PATJ: variants seen among roughly 807,000 people sequenced by gnomAD.
PATJ encodes the protein inaD-like protein.
A neutral mutation model predicts 224.9 loss-of-function variants in PATJ; 190 were observed. That is an observed-to-expected ratio of 0.84 (90% CI 0.75 to 0.95). The LOEUF (loss-of-function observed/expected upper bound fraction) is 0.95. Ranked by LOEUF, PATJ falls within the 40% of genes least tolerant of loss-of-function variation. The pLI is 0.00. For synonymous variants in PATJ, 769 were observed against 820.3 expected (o/e 0.94, Z 1.07); for missense variants, 2,121 against 2,270.3 (o/e 0.93, Z 1.34).
At chr1:62,000,484 G>T (rs1645695396) in intron 28 of PATJ, among the ~76,000 whole-genome samples, 1 of 151,504 alleles carries the variant, frequency 6.6e-6, no homozygotes, top group African/African-American at 2.4e-5. Flanking sequence ...TACTGAGAAT[G>T]ATGAGTTCCA....
chr1:61,916,945 A>C (rs6587949), intron 26 of PATJ, among the ~76,000 whole-genome samples: 92,274 of 152,016 alleles, frequency 0.61, 28,598 homozygotes, highest in East Asian at 0.8. Context: ...CAGTCTGGGT[A>C]CGTCGGCTGA....
At chr1:61,879,086 A>T (rs930552928) in intron 21 of PATJ, among the ~76,000 whole-genome samples, 1 of 152,168 alleles carries the variant, frequency 6.6e-6, no homozygotes, top group Non-Finnish European at 1.5e-5. Flanking sequence ...ACCTGGCCAA[A>T]TTTATGGACT....
intron 33 of PATJ, among the ~76,000 whole-genome samples, chr1:62,099,668 T>C (rs537414895): frequency 7.9e-5 from 12 of 152,298 alleles, no homozygotes; most frequent in East Asian, 7.7e-4. Context: ...CATAGTTCTT[T>C]ATAATAGTAT....
In PATJ at chr1:62,120,438, G is replaced by A. The variant is rs142980026; in HGVS notation, c.4891-743G>A. Reference sequence around the variant, plus strand: ...TAAAATTTTGATGCAGAATAATTTGGTAGAAAAAAATATTCATTATTTGCA... The same window carrying A: ...TAAAATTTTGATGCAGAATAATTTGATAGAAAAAAATATTCATTATTTGCA... On this transcript the variant is annotated intron_variant, in intron 37 of 43. Transcript: ENST00000642238. 9.1e-4 allele frequency among the ~76,000 whole-genome samples: 138 copies of A among 152,228 alleles called. 2 individuals are homozygous for A. The East Asian group carries it at 0.024, about 27-fold the overall frequency.
chr1:61,767,226 T>C (rs1180079694), intron 4 of PATJ, among the ~76,000 whole-genome samples: 2 of 152,182 alleles, frequency 1.3e-5, no homozygotes, highest in Non-Finnish European at 2.9e-5. Flanking sequence ...TATGTTCACC[T>C]CGACCTTCAA....
At chr1:62,043,727 G>GGA (rs1553251834) in intron 30 of PATJ, among the ~76,000 whole-genome samples, 3 of 67,322 alleles carry the variant, frequency 4.5e-5, no homozygotes, top group African/African-American at 1.2e-4. Flanking sequence ...GTTTTGGTTT[G>GGA]GGGGGGGCAG....
At chr1:62,082,522 C>G (rs930398101) in intron 32 of PATJ, among the ~76,000 whole-genome samples, 2 of 152,172 alleles carry the variant, frequency 1.3e-5, no homozygotes, top group African/African-American at 4.8e-5. Flanking sequence ...AGAACCCCCA[C>G]AGGCTTACCT....
chr1:62,151,590 CAAAAAAATAAAT>C (rs565392919), intron 42 of PATJ, among the ~76,000 whole-genome samples: 1 of 151,826 alleles, frequency 6.6e-6, no homozygotes, highest in Non-Finnish European at 1.5e-5. Flanking sequence ...GACTCCGTCT[CAAAAAAATAAAT>C]AAATAAACCC....
At chr1:61,799,045 T>A (rs114898570) in intron 11 of PATJ, among the ~76,000 whole-genome samples, 2,587 of 152,298 alleles carry the variant, frequency 0.017, 52 homozygotes, top group South Asian at 0.092. Flanking sequence ...GTATTTAAAT[T>A]GGAACTTTTT....
At chr1:61,879,030 C>G (rs966771124) in intron 21 of PATJ, among the ~76,000 whole-genome samples, 2 of 152,150 alleles carry the variant, frequency 1.3e-5, no homozygotes, top group African/African-American at 4.8e-5. Context: ...ATGATCCGCC[C>G]ACCTTGGCCT....
Position 62,106,158 on chromosome 1 carries a change from G to GTATATGTATATATATATA in PATJ, c.4378-2274_4378-2273insGTATATATATATATATAT, listed in dbSNP as rs1662999540. ...TACATGTGTATATGTGTGTGTGTGT[G>GTATATGTATATATATATA]TATATATATATATATATATATATAT... On this transcript the variant is annotated intron_variant, in intron 33 of 43. Transcript: ENST00000642238. 6.2e-4 allele frequency among the ~76,000 whole-genome samples: 30 copies of GTATATGTATATATATATA among 48,062 alleles called. 1 individual carries two copies. The highest frequency in any genetic ancestry group is 2.1e-3 in the African/African-American group (30 of 14,184). 31.5% of individuals were successfully genotyped at this position (48,062 alleles called of 152,430 possible). A position where few individuals can be genotyped will look rare whatever the true frequency, so the allele number is the denominator to read the frequency against.
At chr1:61,791,316 C>A in intron 8 of PATJ, 32 bp from the exon 9 acceptor site, 3 of 1,256,416 alleles carry the variant, frequency 2.4e-6, no homozygotes, top group Non-Finnish European at 3.5e-6. Context: ...TGCCACTAAG[C>A]ATATATAATT....
intron 41 of PATJ, among the ~76,000 whole-genome samples, chr1:62,143,738 C>T (rs1220335204): frequency 6.6e-6 from 1 of 152,080 alleles, no homozygotes; most frequent in Non-Finnish European, 1.5e-5. Flanking sequence ...GCGTGAGCCA[C>T]CACGCTGGCC....
chr1:61,918,739 G>A (rs944952758), intron 26 of PATJ, among the ~76,000 whole-genome samples: 1 of 152,058 alleles, frequency 6.6e-6, no homozygotes, highest in African/African-American at 2.4e-5. Context: ...TAAGTAGGAG[G>A]ATTGCTTTAG....
At chr1:61,971,818 C>T (rs1329393304) in intron 27 of PATJ, among the ~76,000 whole-genome samples, 2 of 145,080 alleles carry the variant, frequency 1.4e-5, no homozygotes, top group Non-Finnish European at 3.0e-5. Context: ...CATTGTGAGA[C>T]CCTATCTCTT....
At chr1:61,857,299 T>A (rs7554677) in intron 18 of PATJ, among the ~76,000 whole-genome samples, 8,370 of 152,326 alleles carry the variant, frequency 0.055, 305 homozygotes, top group South Asian at 0.11. Context: ...ACTTATTAAC[T>A]ATTAACTAAC....
chr1:61,747,967 G>A (rs754094990), intron 1 of PATJ, among the ~76,000 whole-genome samples: 3 of 152,144 alleles, frequency 2.0e-5, no homozygotes, highest in Non-Finnish European at 2.9e-5. Flanking sequence ...GGCTGGAGCC[G>A]CCTCCTGGGT....
In PATJ at chr1:62,161,030, T is replaced by C. The variant is rs924798940; in HGVS notation, c.5625T>C (p.Thr1875=). ...AVAILKHQRG[T]VTLTVLS The stretch of plus-strand genomic sequence containing the variant: ...CCATTCTAAAACACCAGAGAGGGAC[T>C]GTAACCTTAACTGTGCTGTCATGAG... The change falls in exon 44 of 44, where the codon ACT becomes ACC. Residue 1875 remains threonine (T), a synonymous_variant. Coordinates refer to ENST00000642238, the MANE Select transcript of PATJ (RefSeq NM_001350145.3). 1.3e-6 allele frequency: 2 copies of C among 1,590,394 alleles called. No individual in the cohort carries two copies. Among genetic ancestry groups the C allele is most frequent in the African/African-American group, 1.3e-5 (1 of 74,484 alleles).
At chr1:61,872,389 T>C (rs773719523) in intron 20 of PATJ, among the ~76,000 whole-genome samples, 11 of 152,166 alleles carry the variant, frequency 7.2e-5, no homozygotes, top group Non-Finnish European at 1.6e-4. Flanking sequence ...GAGGCAAAAC[T>C]CCTTATCTGA....
Sources: gnomAD v4.1 joint callset for allele counts (sites outside exome capture counted in the v4.1 genomes callset) on GRCh38, gnomAD v4.1.1 for gene constraint, MANE v1.5 for transcripts, NCBI Gene and HGNC (gene_info 2026-07-23, HGNC 2026-07-21) for gene names.